The following ABTB2 variants were observed in gnomAD, a reference collection of about 807,000 sequenced individuals.
ABTB2 encodes ankyrin repeat and BTB domain containing 2, also known as ankyrin repeat and BTB/POZ domain-containing protein 2.
In ABTB2, 56 loss-of-function variants were observed where a neutral mutation model predicts 104.1. That is an observed-to-expected ratio of 0.54 (90% CI 0.43 to 0.67). The LOEUF (loss-of-function observed/expected upper bound fraction) is 0.67. ABTB2 is among the 30% of genes least tolerant of loss of function. The probability of loss-of-function intolerance (pLI) is 0.00; values close to 1 mark genes in which losing one functional copy is unlikely to be tolerated. For synonymous variants in ABTB2, 606 were observed against 608.2 expected, an observed-to-expected ratio of 1.00 and a Z score of 0.05; for missense variants, 1,279 against 1,407.7, an observed-to-expected ratio of 0.91 and a Z score of 1.46.
In ABTB2 at chr11:34,164,681, G is replaced by C. The variant is rs372630640; in HGVS notation, c.1988+5C>G. The C allele has an allele frequency of 1.3e-6, 2 of 1,503,640 alleles. No individual in the cohort carries two copies. The highest frequency in any genetic ancestry group is 1.8e-6 in the Non-Finnish European group (2 of 1,134,410). The allele number at this position is 1,503,640 out of a possible 1,614,324, so 93.1% of individuals were successfully genotyped here. ...TCACACAGGGTGGGAATCCCGGGCA[G>C]GTACCTGTGGCCGTGGGCAGCTGAG... On this transcript the variant is annotated splice_donor_5th_base_variant and intron_variant, in intron 9 of 16. Coordinates refer to ENST00000435224, the MANE Select transcript of ABTB2 (RefSeq NM_145804.3).
chr11:34,198,806 C>A (rs1409811931), intron 2 of ABTB2, among the ~76,000 whole-genome samples: 1 of 152,232 alleles, frequency 6.6e-6, no homozygotes, highest in Non-Finnish European at 1.5e-5. Flanking sequence ...GCTGAAGGAG[C>A]CCTGGCACCT....
rs927538609 is a variant in ABTB2, at chr11:34,320,855, A to T, written c.883+35846T>A. Reference sequence around the variant, plus strand: ...CTGTCTTTCAGCCAATGTGCACCAAAATCTTCCACAAAGTTTTACTTTGCG... The same window carrying T: ...CTGTCTTTCAGCCAATGTGCACCAATATCTTCCACAAAGTTTTACTTTGCG... On this transcript the variant is annotated intron_variant, in intron 1 of 16. Transcript: ENST00000435224. Among the ~76,000 whole-genome samples, 3 of 152,148 alleles carry T rather than the reference A, an allele frequency of 2.0e-5. No homozygotes were observed. The South Asian group carries it at 6.2e-4, about 31-fold the overall frequency.
intron 1 of ABTB2, among the ~76,000 whole-genome samples, chr11:34,345,975 C>T (rs10768061): frequency 0.15 from 23,404 of 152,090 alleles, 3,147 homozygotes; most frequent in East Asian, 0.35. Flanking sequence ...ACCCCATTTC[C>T]CCAGCCTCTC....
intron 1 of ABTB2, among the ~76,000 whole-genome samples, chr11:34,292,851 G>A (rs149516098): frequency 1.3e-5 from 2 of 152,320 alleles, no homozygotes; most frequent in African/African-American, 4.8e-5. Context: ...AACCCCCAGA[G>A]GGTGGTAATA....
chr11:34,174,724 G>A (rs1852939249), intron 3 of ABTB2, among the ~76,000 whole-genome samples: 1 of 152,276 alleles, frequency 6.6e-6, no homozygotes, highest in Non-Finnish European at 1.5e-5. Context: ...GCAGCCTGTG[G>A]CTTCATGACT....
At chr11:34,216,417 C>A (rs1480456200) in intron 1 of ABTB2, among the ~76,000 whole-genome samples, 1 of 152,144 alleles carries the variant, frequency 6.6e-6, no homozygotes, top group Non-Finnish European at 1.5e-5. Flanking sequence ...TGGAATCATA[C>A]TATACATGGC....
At position 34,167,972 on chromosome 11, in the gene ABTB2, G is replaced by A. The variant is rs546767177; in HGVS notation, c.1584C>T (p.Tyr528=). 32 of 1,614,144 alleles carry A rather than the reference G, an allele frequency of 2.0e-5. No homozygotes were observed. The highest frequency in any genetic ancestry group is 6.7e-5 in the Admixed American group (4 of 60,030). ...MDDQGMTPLM[Y]ACAAGDEAMV... ...TCGCTTCGTCCCCAGCAGCGCAGGC[G>A]TACATCAGTGGCGTCATACCCTGAG... The change falls in exon 6 of 17, where the codon TAC becomes TAT. Residue 528 remains tyrosine (Y), a synonymous_variant. Transcript: ENST00000435224.
At position 34,162,885 on chromosome 11, in the gene ABTB2, C is replaced by T. The variant is rs1852743424; in HGVS notation, c.1989-80G>A. 2.9e-6 allele frequency: 4 copies of T among 1,374,546 alleles called. No individual in the cohort carries two copies. In the East Asian group the frequency reaches 7.5e-5, roughly 26 times the overall value. 85.1% of individuals were successfully genotyped at this position (1,374,546 alleles called of 1,614,324 possible). ...ACCTGAGCTGTCCCCCAGTGCCCTCCTGCCCCGACGGGCTGCTCTGGGGTA... is the reference window on the plus strand; with the variant it reads ...ACCTGAGCTGTCCCCCAGTGCCCTCTTGCCCCGACGGGCTGCTCTGGGGTA... On this transcript the variant is annotated intron_variant, in intron 9 of 16. Coordinates refer to ENST00000435224, the MANE Select transcript of ABTB2 (RefSeq NM_145804.3).
intron 1 of ABTB2, among the ~76,000 whole-genome samples, chr11:34,345,775 T>C (rs1352034897): frequency 5.3e-5 from 8 of 152,176 alleles, no homozygotes; most frequent in African/African-American, 1.2e-4. Flanking sequence ...GCTTCCAAAT[T>C]GTGTCCCCAT....
At chr11:34,258,333 C>G (rs1365389252) in intron 1 of ABTB2, among the ~76,000 whole-genome samples, 1 of 151,948 alleles carries the variant, frequency 6.6e-6, no homozygotes, top group Non-Finnish European at 1.5e-5. Context: ...TCCCTTTAAT[C>G]CTCACAGTGA....
chr11:34,164,448 G>A (rs1232156975), intron 9 of ABTB2, among the ~76,000 whole-genome samples: 6 of 152,208 alleles, frequency 3.9e-5, no homozygotes, highest in African/African-American at 7.2e-5. Context: ...TGCCCTGGGC[G>A]TCGGGAGGCC....
intron 1 of ABTB2, among the ~76,000 whole-genome samples, chr11:34,316,516 C>T (rs1357342474): frequency 1.3e-5 from 2 of 152,286 alleles, no homozygotes; most frequent in South Asian, 2.1e-4. Context: ...TGCTCTTTTG[C>T]TACCCCAAAA....
chr11:34,287,639 A>G (rs746257386), intron 1 of ABTB2, among the ~76,000 whole-genome samples: 6 of 152,192 alleles, frequency 3.9e-5, no homozygotes, highest in Non-Finnish European at 8.8e-5. Flanking sequence ...CTTCTTCAGA[A>G]ATCTTCCAAT....
chr11:34,232,855 G>T (rs2133058062), intron 1 of ABTB2, among the ~76,000 whole-genome samples: 1 of 152,098 alleles, frequency 6.6e-6, no homozygotes, highest in Admixed American at 6.6e-5. Context: ...AGCTTCTTGG[G>T]AAGCTGAGGT....
intron 1 of ABTB2, among the ~76,000 whole-genome samples, chr11:34,220,592 G>A (rs1292514623): frequency 6.6e-6 from 1 of 152,214 alleles, no homozygotes; most frequent in Admixed American, 6.5e-5. Context: ...CTCAGAGAGT[G>A]GGGCCAGAGC....
rs139428758 is a variant in ABTB2, at chr11:34,152,376, C to T, written c.*11G>A. ...CACAGGCCCTGGCCTCGGCAGCCTC[C>T]GCCCCCTGCCTCACACCCGGGAGGT... is the stretch of plus-strand genomic sequence containing the variant. On this transcript the variant is annotated 3_prime_UTR_variant, in exon 17 of 17. Coordinates refer to ENST00000435224, the MANE Select transcript of ABTB2 (RefSeq NM_145804.3). The T allele has an allele frequency of 1.5e-4, 230 of 1,552,592 alleles. 2 individuals are homozygous for T. Among genetic ancestry groups the T allele is most frequent in the Middle Eastern group, 2.3e-4 (1 of 4,370 alleles).
At chr11:34,183,761 C>T (rs983509769) in intron 3 of ABTB2, among the ~76,000 whole-genome samples, 3 of 152,204 alleles carry the variant, frequency 2.0e-5, no homozygotes, top group African/African-American at 7.2e-5. Flanking sequence ...CCCATCTCTC[C>T]GCACAGAAGC....
intron 1 of ABTB2, among the ~76,000 whole-genome samples, chr11:34,309,488 A>C (rs183482368): frequency 5.5e-4 from 84 of 152,332 alleles, no homozygotes; most frequent in African/African-American, 1.9e-3. Flanking sequence ...CACCAGAGGC[A>C]GTGCTGGGAG....
intron 1 of ABTB2, among the ~76,000 whole-genome samples, chr11:34,236,587 C>T (rs1301118393): frequency 6.6e-6 from 1 of 152,150 alleles, no homozygotes; most frequent in Admixed American, 6.5e-5. Context: ...TCCCCGGCAC[C>T]CCCTCCCCTC....
Sources: gnomAD v4.1 joint callset for allele counts (sites outside exome capture counted in the v4.1 genomes callset) on GRCh38, gnomAD v4.1.1 for gene constraint, MANE v1.5 for transcripts, NCBI Gene and HGNC (gene_info 2026-07-23, HGNC 2026-07-21) for gene names.